Variants in ARID1B observed in about 807,000 individuals in gnomAD.
ARID1B encodes AT-rich interactive domain-containing protein 1B.
Under a neutral mutation model 212.3 loss-of-function variants are expected in ARID1B, and 30 were observed. The ratio of observed to expected loss-of-function variants is 0.14; its 90% CI spans 0.11 to 0.19. The LOEUF (loss-of-function observed/expected upper bound fraction) is 0.19. Among genes scored for constraint, ARID1B ranks in the 10% least tolerant of loss-of-function variants. ARID1B has a pLI of 1.00. For missense variants in ARID1B, 2,891 were observed against 3,204.0 expected (o/e 0.90, Z 2.36); for synonymous variants, 1,402 against 1,301.7 (o/e 1.08, Z -1.66).
chr6:156,898,417 T>C (rs942388437), intron 2 of ARID1B, among the ~76,000 whole-genome samples: 18 of 152,158 alleles, frequency 1.2e-4, no homozygotes, highest in African/African-American at 4.1e-4. Context: ...AGGTGGGGGT[T>C]GAGCTTGAGC....
rs1205785125 is a variant in ARID1B, at chr6:157,167,189, A to C, written c.3235+4A>C. The C allele has an allele frequency of 6.2e-7, 1 of 1,604,124 alleles. No homozygotes were observed. The highest frequency in any genetic ancestry group is 2.2e-5 in the East Asian group (1 of 44,612). On this transcript the variant is annotated splice_donor_region_variant and intron_variant, in intron 9 of 19. Coordinates refer to ENST00000636930, the MANE Select transcript of ARID1B (RefSeq NM_001374828.1). ...GCCATGGTGAACAGCTCGGCAGGTA[A>C]CCTTGGCAGCTCTGCGCTCCTGAGC...
chr6:156,851,690 A>G (rs892907789), intron 2 of ARID1B, among the ~76,000 whole-genome samples: 2 of 152,222 alleles, frequency 1.3e-5, no homozygotes, highest in Non-Finnish European at 2.9e-5. Flanking sequence ...CATTCAAATG[A>G]CTAAGTACAG....
chr6:157,186,964 T>A (rs1207281771), intron 13 of ARID1B, among the ~76,000 whole-genome samples: 4 of 152,240 alleles, frequency 2.6e-5, no homozygotes, highest in Non-Finnish European at 5.9e-5. Flanking sequence ...CCCCTGGGGC[T>A]GCACCCCACA....
At chr6:157,105,585 G>A (rs1786405784) in intron 5 of ARID1B, among the ~76,000 whole-genome samples, 1 of 152,136 alleles carries the variant, frequency 6.6e-6, no homozygotes, top group Admixed American at 6.5e-5. Context: ...TTCAGAATCA[G>A]TAAGACTGGT....
chr6:156,902,719 G>A (rs1278169465), intron 3 of ARID1B, among the ~76,000 whole-genome samples: 1 of 122,744 alleles, frequency 8.1e-6, no homozygotes, highest in Non-Finnish European at 1.6e-5. Context: ...CCTTGCAACA[G>A]AGTGAGACTC....
intron 2 of ARID1B, among the ~76,000 whole-genome samples, chr6:156,874,202 C>T (rs1254420289): frequency 6.6e-6 from 1 of 152,094 alleles, no homozygotes; most frequent in African/African-American, 2.4e-5. Flanking sequence ...GTAGCTGGGA[C>T]AATAGATGTG....
rs867707366 is a variant in ARID1B, at chr6:157,201,165, C to T, written c.4940C>T (p.Ser1647Leu). Residue 1647 changes from serine to leucine, a missense_variant, in exon 18 of 20, where the codon TCG becomes TTG. Physicochemically the swap from Ser to Leu is moderately radical, Grantham distance 145. This residue lies in a region of ARID1B where 666 missense variants were observed against 873.5 expected (regional missense o/e 0.76). Transcript: ENST00000636930. The surrounding 1 kb of genome is among the most constrained non-coding windows in gnomAD (Gnocchi z 5.2). ...GTCAGCCAGCGTCAGCCTTATATGT[C>T]GTCCTCAGCCTCCATGCAGCCCATC... ...SHVSQRQPYM[S>L]SSASMQPITR... is the part of the protein sequence containing the mutation. 1.5e-5 allele frequency: 24 copies of T among 1,613,984 alleles called. No homozygotes were observed. The highest frequency in any genetic ancestry group is 2.0e-5 in the Non-Finnish European group (24 of 1,180,008).
chr6:156,785,192 G>A (rs1779551963), intron 1 of ARID1B, among the ~76,000 whole-genome samples: 1 of 152,248 alleles, frequency 6.6e-6, no homozygotes, highest in Non-Finnish European at 1.5e-5. Context: ...TTTCTTGGAT[G>A]AGATTTATTA....
chr6:156,871,668 C>A lies in ARID1B; in HGVS notation c.1987-29708C>A, dbSNP rs1397557779. On this transcript the variant is annotated intron_variant, in intron 2 of 19. Coordinates refer to ENST00000636930, the MANE Select transcript of ARID1B (RefSeq NM_001374828.1). ...ATTCTGGTTGGCAAGTATCTTCTTA[C>A]ATGCTCTTACTTGCTCCAAGTCTTT... 1.2e-6 allele frequency: 2 copies of A among 1,610,734 alleles called. No individual in the cohort carries two copies. The highest frequency in any genetic ancestry group is 1.7e-5 in the Admixed American group (1 of 59,624).
intron 4 of ARID1B, among the ~76,000 whole-genome samples, chr6:157,040,616 C>A (rs1381017309): frequency 6.6e-6 from 1 of 152,184 alleles, no homozygotes; most frequent in Non-Finnish European, 1.5e-5. Context: ...CACTGGGACC[C>A]AGAAATGAAA....
At chr6:156,876,751 G>GC (rs750617703) in intron 2 of ARID1B, among the ~76,000 whole-genome samples, 3 of 152,190 alleles carry the variant, frequency 2.0e-5, no homozygotes, top group Non-Finnish European at 4.4e-5. Flanking sequence ...AGTTGCTTTA[G>GC]CCCCTCAACC....
intron 6 of ARID1B, among the ~76,000 whole-genome samples, chr6:157,115,617 T>A (rs560961127): frequency 5.3e-5 from 8 of 152,124 alleles, no homozygotes; most frequent in African/African-American, 1.4e-4. Context: ...TTATTAGAGA[T>A]GGGGTTTCAC....
intron 3 of ARID1B, among the ~76,000 whole-genome samples, chr6:156,934,684 G>A (rs79471782): frequency 0.02 from 3,051 of 151,734 alleles, 88 homozygotes; most frequent in African/African-American, 0.068. Context: ...TGATAGTAAG[G>A]TTTTCGTTAG....
intron 2 of ARID1B, among the ~76,000 whole-genome samples, chr6:156,867,344 C>A (rs1785774033): frequency 6.6e-6 from 1 of 152,192 alleles, no homozygotes; most frequent in Non-Finnish European, 1.5e-5. Context: ...AGAACCCTCA[C>A]TGCTGAGGAC....
chr6:156,905,443 T>C (rs771060240), intron 3 of ARID1B, among the ~76,000 whole-genome samples: 64 of 152,162 alleles, frequency 4.2e-4, no homozygotes, highest in Non-Finnish European at 8.2e-4. Context: ...TGATTATAGT[T>C]AGGACTTCAA....
chr6:156,927,117 C>T (rs1791286528), intron 3 of ARID1B, among the ~76,000 whole-genome samples: 1 of 152,064 alleles, frequency 6.6e-6, no homozygotes, highest in Admixed American at 6.5e-5. Context: ...TTCAAATTTC[C>T]AATAATCTCA....
intron 8 of ARID1B, chr6:157,152,177 C>T (rs1019939553): frequency 6.6e-6 from 1 of 152,234 alleles, no homozygotes; most frequent in African/African-American, 2.4e-5. Context: ...CTTTTACCAA[C>T]TCCAGAGGCC....
intron 4 of ARID1B, among the ~76,000 whole-genome samples, chr6:157,079,741 T>G (rs971285062): frequency 2.0e-5 from 3 of 152,226 alleles, no homozygotes; most frequent in Non-Finnish European, 4.4e-5. Context: ...TCTGTAGAGC[T>G]TATAAATTTA....
intron 6 of ARID1B, among the ~76,000 whole-genome samples, chr6:157,113,399 AAG>A (rs968880374): frequency 1.3e-5 from 2 of 152,214 alleles, no homozygotes; most frequent in Non-Finnish European, 2.9e-5. Context: ...TTATGAAGAA[AAG>A]AGATTTAACT....
Sources: gnomAD v4.1 joint callset for allele counts (sites outside exome capture counted in the v4.1 genomes callset) on GRCh38, gnomAD v4.1.1 for gene constraint, gnomAD v4.1.1 regional missense constraint, Gnocchi (gnomAD v3.1) non-coding constraint, MANE v1.5 for transcripts, NCBI Gene and HGNC (gene_info 2026-07-23, HGNC 2026-07-21) for gene names.